The following MYO16 variants were observed in gnomAD, a reference collection of about 807,000 sequenced individuals.
MYO16 encodes unconventional myosin-XVI.
A neutral mutation model predicts 205.3 loss-of-function variants in MYO16; 94 were observed. That is an observed-to-expected ratio of 0.46 (90% CI 0.39 to 0.54). The LOEUF (loss-of-function observed/expected upper bound fraction) is 0.54, where lower values mean the gene tolerates loss of function less well. MYO16 is among the 20% of genes least tolerant of loss of function. The probability of loss-of-function intolerance (pLI) is 0.00; values close to 1 mark genes in which losing one functional copy is unlikely to be tolerated. For missense variants in MYO16, 2,315 were observed against 2,387.5 expected, an observed-to-expected ratio of 0.97 and a Z score of 0.63; for synonymous variants, 988 against 954.0, an observed-to-expected ratio of 1.04 and a Z score of -0.66.
chr13:108,857,079 C>A (rs1454900743), intron 11 of MYO16, among the ~76,000 whole-genome samples: 1 of 152,172 alleles, frequency 6.6e-6, no homozygotes, highest in Non-Finnish European at 1.5e-5. Flanking sequence ...GCATCAAGGA[C>A]TTTCCTTAGA....
the MYO16 span, among the ~76,000 whole-genome samples, chr13:108,518,978 T>C: frequency 5.9e-5 from 9 of 152,200 alleles, no homozygotes; most frequent in African/African-American, 1.9e-4. Context: ...AATTTAGTAA[T>C]GTGATCTCAG....
chr13:108,840,755 C>T (rs989761354), intron 9 of MYO16, among the ~76,000 whole-genome samples: 24 of 152,172 alleles, frequency 1.6e-4, no homozygotes, highest in Non-Finnish European at 7.3e-5. Context: ...AGGCTGGTCT[C>T]AGTCTCCTAG....
intron 34 of MYO16, among the ~76,000 whole-genome samples, chr13:109,186,220 T>G (rs1303962845): frequency 1.3e-5 from 2 of 152,110 alleles, no homozygotes; most frequent in African/African-American, 4.8e-5. Context: ...AATAAGAAAC[T>G]ATTGATGACC....
At chr13:109,138,500 T>G (rs1038170313) in intron 31 of MYO16, among the ~76,000 whole-genome samples, 7 of 152,292 alleles carry the variant, frequency 4.6e-5, no homozygotes, top group Admixed American at 3.3e-4. Flanking sequence ...AATTTTCAAT[T>G]GTTTTAAACT....
chr13:109,186,354 C>A (rs1487237209), intron 34 of MYO16, among the ~76,000 whole-genome samples: 2 of 152,074 alleles, frequency 1.3e-5, no homozygotes, highest in Admixed American at 6.6e-5. Flanking sequence ...CTGCTGCTGG[C>A]CCTAGGGTGC....
At chr13:108,855,234 C>A in intron 10 of MYO16, 1 of 396,820 alleles carries the variant, frequency 2.5e-6, no homozygotes, top group Non-Finnish European at 4.6e-6. Context: ...GGGAGTATAG[C>A]ACAAAAATTC....
At chr13:108,821,989 G>T (rs1475663414) in intron 8 of MYO16, among the ~76,000 whole-genome samples, 1 of 152,110 alleles carries the variant, frequency 6.6e-6, no homozygotes, top group East Asian at 1.9e-4. Flanking sequence ...GCAGTGAAAG[G>T]TTTCAACTAA....
chr13:108,728,260 A>AT (rs1257496881), intron 4 of MYO16, among the ~76,000 whole-genome samples: 1 of 152,168 alleles, frequency 6.6e-6, no homozygotes, highest in Non-Finnish European at 1.5e-5. Context: ...GGATTTTCAC[A>AT]TTTTTTTATG....
chr13:108,957,383 CAAAA>C (rs33954239), intron 16 of MYO16, among the ~76,000 whole-genome samples: 11 of 96,940 alleles, frequency 1.1e-4, no homozygotes, highest in Non-Finnish European at 2.1e-4. Context: ...AACTCCATCT[CAAAA>C]AAAAAAAAAA....
At chr13:108,498,443 G>A in the MYO16 span, among the ~76,000 whole-genome samples, 1 of 152,070 alleles carries the variant, frequency 6.6e-6, no homozygotes. Flanking sequence ...CTGAGAAAAG[G>A]GCTGGCCAGT....
Position 108,855,531 on chromosome 13 carries a change from G to A in MYO16, c.1337G>A (p.Arg446His), listed in dbSNP as rs775114035. Residue 446 changes from arginine (R) to histidine (H), a missense_variant, in exon 11 of 35, where the codon CGC (arginine) becomes CAC (histidine). Around this residue, in one of 3 missense-constraint regions of MYO16, gnomAD observed 1,213 missense variants for 1,274.4 expected, o/e 0.95. Coordinates refer to ENST00000457511, the MANE Select transcript of MYO16 (RefSeq NM_001198950.3). ...DGSLLYEIQK[R>H]FGNNQIYTFI... ...AGCCTGCTCTATGAGATTCAGAAGC[G>A]CTTTGGGAACAATCAGATCTATGTG... 2 of 1,591,030 alleles carry A rather than the reference G, an allele frequency of 1.3e-6. No individual in the cohort carries two copies. Among genetic ancestry groups the A allele is most frequent in the East Asian group, 2.2e-5 (1 of 44,512 alleles).
chr13:108,848,926 T>C (rs1178423054), intron 10 of MYO16, among the ~76,000 whole-genome samples: 1 of 152,184 alleles, frequency 6.6e-6, no homozygotes, highest in East Asian at 1.9e-4. Flanking sequence ...TAAAACTTTC[T>C]TCCTGTAGTC....
chr13:109,173,954 G>T (rs550267553), intron 33 of MYO16, among the ~76,000 whole-genome samples: 1 of 147,590 alleles, frequency 6.8e-6, no homozygotes, highest in Admixed American at 6.7e-5. Flanking sequence ...TGATGGGGGG[G>T]GGTACTCTCT....
chr13:109,172,067 C>A (rs963958325), intron 33 of MYO16, among the ~76,000 whole-genome samples: 3 of 152,194 alleles, frequency 2.0e-5, no homozygotes, highest in Admixed American at 6.5e-5. Flanking sequence ...CCAAACCACA[C>A]CAGTTCTGGG....
chr13:108,868,791 G>A lies in MYO16; in HGVS notation c.1425+2549G>A, dbSNP rs536665788. 1.8e-4 allele frequency among the ~76,000 whole-genome samples: 27 copies of A among 151,180 alleles called. No individual in the cohort carries two copies. The South Asian group carries it at 3.4e-3, about 19-fold the overall frequency. On this transcript the variant is annotated intron_variant, in intron 12 of 34. Transcript: ENST00000457511. ...CAAAAATTAGCCGAGCATGGTGGCA[G>A]GTGACGTAAACCCAGCTACTTGGGA...
At chr13:108,757,988 C>T (rs9587672) in intron 4 of MYO16, among the ~76,000 whole-genome samples, 30,938 of 152,000 alleles carry the variant, frequency 0.2, 3,431 homozygotes, top group African/African-American at 0.27. Flanking sequence ...AGGAGAGCCT[C>T]TTGGGAGGTG....
intron 1 of MYO16, among the ~76,000 whole-genome samples, chr13:108,607,454 T>C (rs540354740): frequency 6.6e-6 from 1 of 152,258 alleles, no homozygotes; most frequent in Non-Finnish European, 1.5e-5. Flanking sequence ...GATCTGATGA[T>C]TTTATAAGGG....
chr13:108,762,747 C>T (rs1169416322), intron 4 of MYO16, among the ~76,000 whole-genome samples: 1 of 152,138 alleles, frequency 6.6e-6, no homozygotes, highest in South Asian at 2.1e-4. Context: ...TGGCAGGGAT[C>T]TTGTCCTGTT....
chr13:108,527,487 C>A, the MYO16 span, among the ~76,000 whole-genome samples: 4 of 152,258 alleles, frequency 2.6e-5, no homozygotes, highest in East Asian at 1.9e-4. Context: ...AGGTTTGTAA[C>A]CTCTGGCTTC....
Sources: allele counts gnomAD v4.1 joint callset (sites outside exome capture counted in the v4.1 genomes callset), GRCh38; gene constraint gnomAD v4.1.1; regional missense constraint gnomAD v4.1.1; transcripts MANE v1.5; gene names NCBI Gene and HGNC (gene_info 2026-07-23, HGNC 2026-07-21).